Variants in MKRN1 observed in about 807,000 individuals in gnomAD.
MKRN1 encodes the protein E3 ubiquitin-protein ligase makorin-1.
In MKRN1, 9 loss-of-function variants were observed where a neutral mutation model predicts 55.5. The ratio of observed to expected loss-of-function variants is 0.16; its 90% CI spans 0.10 to 0.28. The LOEUF (loss-of-function observed/expected upper bound fraction) is 0.28. Ranked by LOEUF, MKRN1 falls within the 10% of genes least tolerant of loss-of-function variation. MKRN1 has a pLI of 1.00. For missense variants in MKRN1, 488 were observed against 626.7 expected (o/e 0.78, Z 2.36); for synonymous variants, 253 against 235.9 (o/e 1.07, Z -0.66).
In MKRN1 at chr7:140,454,598, C is replaced by T; in HGVS notation, c.1368G>A (p.Gly456=). 6.2e-7 allele frequency: 1 copy of T among 1,613,922 alleles called. No individual in the cohort carries two copies. Among genetic ancestry groups the T allele is most frequent in the Non-Finnish European group, 8.5e-7 (1 of 1,179,876 alleles). The change falls in exon 8 of 8, where the codon GGG becomes GGA. Residue 456 remains glycine, a synonymous_variant. Coordinates refer to ENST00000255977, the MANE Select transcript of MKRN1 (RefSeq NM_013446.4). The part of the protein sequence containing the change: ...EMLLMLLAAG[G]DDELTDSEDE... Reference sequence around the variant, plus strand: ...CTTCAGAGTCTGTTAGTTCGTCGTCCCCACCTGCAGCCAAAAGCATAAGCA... The same window carrying T: ...CTTCAGAGTCTGTTAGTTCGTCGTCTCCACCTGCAGCCAAAAGCATAAGCA...
intron 2 of MKRN1, among the ~76,000 whole-genome samples, chr7:140,465,968 CT>C (rs1794753549): frequency 6.6e-6 from 1 of 152,112 alleles, no homozygotes; most frequent in Non-Finnish European, 1.5e-5. Context: ...GTAGTCCCAG[CT>C]ACTCAGGAGG....
intron 2 of MKRN1, among the ~76,000 whole-genome samples, chr7:140,463,794 A>C (rs1794692418): frequency 6.6e-6 from 1 of 151,960 alleles, no homozygotes; most frequent in East Asian, 2.0e-4. Context: ...CTGAGGGAGG[A>C]GAATGGCGTG....
Position 140,454,663 on chromosome 7 carries a change from CGTTGTCAAA to C in MKRN1, c.1294_1302del (p.Phe432_Asn434del). 1 of 1,613,968 alleles carries C rather than the reference CGTTGTCAAA, an allele frequency of 6.2e-7. No individual in the cohort carries two copies. Among genetic ancestry groups the C allele is most frequent in the Non-Finnish European group, 8.5e-7 (1 of 1,179,862 alleles). On this transcript the variant is annotated inframe_deletion, in exon 8 of 8. Coordinates refer to ENST00000255977, the MANE Select transcript of MKRN1 (RefSeq NM_013446.4). ...TCAAAGGTGACAACCTCTTCTTCATCGTTGTCAAAGGGGTTGCTGTTCTCTCTTTCCTCA... is the reference window on the plus strand; with the variant it reads ...TCAAAGGTGACAACCTCTTCTTCATCGGGGTTGCTGTTCTCTCTTTCCTCA...
At chr7:140,455,996 T>C in intron 5 of MKRN1, 96 bp from the exon 6 acceptor site, 5 of 1,190,272 alleles carry the variant, frequency 4.2e-6, no homozygotes, top group Non-Finnish European at 6.1e-6. Flanking sequence ...ACTTAAAGAC[T>C]TAACTGAAAG....
chr7:140,454,662 T>C lies in MKRN1; in HGVS notation c.1304A>G (p.Asp435Gly). The C allele has an allele frequency of 6.2e-7, 1 of 1,613,986 alleles. No individual in the cohort carries two copies. The highest frequency in any genetic ancestry group is 1.1e-5 in the South Asian group (1 of 91,072). ...CTCAAAGGTGACAACCTCTTCTTCA[T>C]CGTTGTCAAAGGGGTTGCTGTTCTC... ...ERENSNPFDN[D>G]EEEVVTFELG... is the part of the protein sequence containing the mutation. The change falls in exon 8 of 8, where the codon GAT (aspartate) becomes GGT (glycine). Residue 435 changes from aspartate to glycine, a missense_variant. Coordinates refer to ENST00000255977, the MANE Select transcript of MKRN1 (RefSeq NM_013446.4).
At chr7:140,471,853 C>A (rs1317761482) in intron 2 of MKRN1, 30 bp downstream of exon 2, 17 of 1,608,140 alleles carry the variant, frequency 1.1e-5, no homozygotes, top group Non-Finnish European at 1.4e-5. Flanking sequence ...TCCAACCCAC[C>A]CCTGAACAAA....
Position 140,476,292 on chromosome 7 carries a change from T to C in MKRN1, c.185+2868A>G, listed in dbSNP as rs139725038. Among the ~76,000 whole-genome samples the C allele has an allele frequency of 3.5e-4, 53 of 152,108 alleles. No individual in the cohort carries two copies. In the East Asian group the frequency reaches 0.01, roughly 29 times the overall value. On this transcript the variant is annotated intron_variant, in intron 1 of 7. Transcript: ENST00000255977. ...GTCTCCCATTGCTGGCGTGCAATGT[T>C]TACTTACTGAATGATTGAATAAGGT...
At chr7:140,474,422 G>C (rs1024449710) in intron 1 of MKRN1, 4 of 370,910 alleles carry the variant, frequency 1.1e-5, no homozygotes, top group African/African-American at 8.7e-5. Flanking sequence ...AGAATTGCTT[G>C]AACTCGCAGT....
chr7:140,469,062 C>T (rs1283431858), intron 2 of MKRN1, among the ~76,000 whole-genome samples: 1 of 152,146 alleles, frequency 6.6e-6, no homozygotes, highest in Non-Finnish European at 1.5e-5. Flanking sequence ...CACAGTGGCT[C>T]ACGCCTGTAA....
chr7:140,456,580 G>T, intron 5 of MKRN1, 72 bp downstream of exon 5: 3 of 1,572,904 alleles, frequency 1.9e-6, no homozygotes, highest in East Asian at 4.6e-5. Flanking sequence ...CCATCTGGTT[G>T]AAAGTTGGCA....
chr7:140,457,317 T>A (rs1428102237), intron 4 of MKRN1, among the ~76,000 whole-genome samples: 3 of 152,198 alleles, frequency 2.0e-5, no homozygotes, highest in African/African-American at 7.2e-5. Flanking sequence ...ACTACTCAGC[T>A]TGATAGACTG....
chr7:140,474,512 A>G (rs1268480347), intron 1 of MKRN1: 1 of 298,954 alleles, frequency 3.3e-6, no homozygotes, highest in South Asian at 2.6e-5. Context: ...ATAAATAAAT[A>G]AAAGGCTGTA....
chr7:140,462,664 A>G (rs1794656216), intron 2 of MKRN1, among the ~76,000 whole-genome samples: 1 of 152,010 alleles, frequency 6.6e-6, no homozygotes, highest in Non-Finnish European at 1.5e-5. Flanking sequence ...CTCCGTCTCT[A>G]CTAAAAATAA....
intron 2 of MKRN1, among the ~76,000 whole-genome samples, chr7:140,464,476 G>A (rs1794714335): frequency 6.6e-6 from 1 of 152,030 alleles, no homozygotes; most frequent in African/African-American, 2.4e-5. Context: ...GGCCGAGGTG[G>A]GCGATCACCT....
At chr7:140,479,073 A>C (rs1795210585) in intron 1 of MKRN1, 87 bp downstream of exon 1, 1 of 1,234,758 alleles carries the variant, frequency 8.1e-7, no homozygotes, top group Non-Finnish European at 1.0e-6. Context: ...CTCTAGCCGC[A>C]GGCCGGCCGC....
Position 140,479,327 on chromosome 7 carries a change from A to G in MKRN1, c.18T>C (p.Thr6=). The G allele has an allele frequency of 7.6e-7, 1 of 1,307,858 alleles. No individual in the cohort carries two copies. The highest frequency in any genetic ancestry group is 3.1e-5 in the East Asian group (1 of 32,152). 81.0% of individuals were successfully genotyped at this position (1,307,858 alleles called of 1,614,324 possible). A position where few individuals can be genotyped will look rare whatever the true frequency, so the allele number is the denominator to read the frequency against. MAEAA[T]PGTTATTSGA... ...CTGATGTTGTGGCTGTTGTTCCGGG[A>G]GTTGCAGCCTCCGCCATTACTGTTT... Residue 6 remains threonine, a synonymous_variant, in exon 1 of 8, where the codon ACT becomes ACC. Transcript: ENST00000255977.
At chr7:140,463,668 A>G (rs187147657) in intron 2 of MKRN1, among the ~76,000 whole-genome samples, 6,589 of 151,526 alleles carry the variant, frequency 0.043, 182 homozygotes, top group East Asian at 0.12. Flanking sequence ...GGCGGATCAC[A>G]AGGTCAGGAG....
chr7:140,470,374 C>T (rs1282707234), intron 2 of MKRN1, among the ~76,000 whole-genome samples: 2 of 152,016 alleles, frequency 1.3e-5, no homozygotes, highest in Non-Finnish European at 2.9e-5. Context: ...CACCTGAGGT[C>T]AGGAGTTCGA....
chr7:140,458,621 C>G (rs1444720319), intron 4 of MKRN1, among the ~76,000 whole-genome samples: 1 of 152,102 alleles, frequency 6.6e-6, no homozygotes, highest in Non-Finnish European at 1.5e-5. Context: ...TGTGCATTTT[C>G]AAAAGATTAA....
Sources: allele counts gnomAD v4.1 joint callset (sites outside exome capture counted in the v4.1 genomes callset), GRCh38; gene constraint gnomAD v4.1.1; transcripts MANE v1.5; gene names NCBI Gene and HGNC (gene_info 2026-07-23, HGNC 2026-07-21).